GOLGB1: variants seen among roughly 807,000 people sequenced by gnomAD.
GOLGB1 encodes golgin subfamily B member 1.
In GOLGB1, 174 loss-of-function variants were observed where a neutral mutation model predicts 336.9. The observed-to-expected ratio is 0.52, with a 90% CI of 0.46 to 0.59. GOLGB1 has a LOEUF of 0.59. Among genes scored for constraint, GOLGB1 ranks in the 20% least tolerant of loss-of-function variants. The pLI is 0.00. For missense variants in GOLGB1, 3,331 were observed against 3,645.3 expected (o/e 0.91, Z 2.22); for synonymous variants, 1,208 against 1,289.2 (o/e 0.94, Z 1.35).
chr3:121,727,179 C>A, intron 4 of GOLGB1, 138 bp from the exon 5 acceptor site: 1 of 420,358 alleles, frequency 2.4e-6, no homozygotes, highest in Middle Eastern at 7.6e-4. Flanking sequence ...ACCAGCTGAT[C>A]TAACAAATAA....
rs568610525 is a variant in GOLGB1, at chr3:121,737,479, C to G, written c.-2-6506G>C. Among the ~76,000 whole-genome samples, 13 of 151,444 alleles carry G rather than the reference C, an allele frequency of 8.6e-5. No individual in the cohort carries two copies. The South Asian group carries it at 2.3e-3, about 27-fold the overall frequency. ...CAGTCTGACCAACATGGTGAAATCC[C>G]GTCTCTACTAAAAATACAAAAATTA... is the stretch of plus-strand genomic sequence containing the variant. On this transcript the variant is annotated intron_variant, in intron 1 of 21. Transcript: ENST00000614479.
intron 1 of GOLGB1, among the ~76,000 whole-genome samples, chr3:121,744,249 C>A (rs910163196): frequency 6.6e-6 from 1 of 151,990 alleles, no homozygotes; most frequent in Non-Finnish European, 1.5e-5. Context: ...TCATCATCCC[C>A]ATTTTATAGA....
chr3:121,740,158 G>A (rs1005109725), intron 1 of GOLGB1, among the ~76,000 whole-genome samples: 3 of 152,102 alleles, frequency 2.0e-5, no homozygotes, highest in African/African-American at 4.8e-5. Flanking sequence ...AGTGGATACA[G>A]GAACCTACAC....
chr3:121,691,571 A>G lies in GOLGB1; in HGVS notation c.7793T>C (p.Leu2598Pro), dbSNP rs766076366. ...NEDLRRSFNA[L>P]QEEKQDLSKE... is the part of the protein sequence containing the mutation. ...AGATAAATCTTGTTTCTCTTCTTGT[A>G]GGGCATTAAAGGACCTCCGCAGATC... The change falls in exon 14 of 22, where the codon CTA (leucine) becomes CCA (proline). Residue 2598 changes from leucine (L) to proline (P), a missense_variant. By Grantham distance (98) the Leu-to-Pro change is moderately conservative. Coordinates refer to ENST00000614479, the MANE Select transcript of GOLGB1 (RefSeq NM_001366282.2). 1 of 1,613,538 alleles carries G rather than the reference A, an allele frequency of 6.2e-7. No homozygotes were observed. The highest frequency in any genetic ancestry group is 2.2e-5 in the East Asian group (1 of 44,870).
At chr3:121,720,722 C>T (rs73855417) in intron 6 of GOLGB1, among the ~76,000 whole-genome samples, 3,209 of 152,244 alleles carry the variant, frequency 0.021, 107 homozygotes, top group African/African-American at 0.072. Context: ...ATTAGCCAAA[C>T]ATCTCTAACT....
In GOLGB1 at chr3:121,691,140, CA is replaced by C; in HGVS notation, c.8223del (p.Phe2741LeufsTer5). 1 of 1,613,836 alleles carries C rather than the reference CA, an allele frequency of 6.2e-7. No individual in the cohort carries two copies. Among genetic ancestry groups the C allele is most frequent in the Non-Finnish European group, 8.5e-7 (1 of 1,179,934 alleles). On this transcript the variant is annotated frameshift_variant, in exon 14 of 22. Coordinates refer to ENST00000614479, the MANE Select transcript of GOLGB1 (RefSeq NM_001366282.2). LOFTEE classifies it high-confidence loss of function. ...TTTTGCAAGGAACTCATAGACCTTC[CA>C]AAAGACTGAATTTGTGCTGTGAGAC... ...NKGLTAQIQS[F>X]GRSMSSLQNS... is the part of the protein sequence containing the mutation.
chr3:121,669,695 A>C (rs956488169), intron 17 of GOLGB1, among the ~76,000 whole-genome samples: 20 of 152,340 alleles, frequency 1.3e-4, no homozygotes, highest in Middle Eastern at 3.4e-3. Context: ...AGAAGGCAGT[A>C]CCTCAGGGTC....
At chr3:121,688,818 A>G (rs1197222007) in intron 14 of GOLGB1, among the ~76,000 whole-genome samples, 5 of 139,266 alleles carry the variant, frequency 3.6e-5, no homozygotes, top group South Asian at 2.4e-4. Context: ...GGATGTGAGG[A>G]GCGCCTCTGC....
Position 121,664,491 on chromosome 3 carries a change from C to T in GOLGB1, c.9784G>A (p.Gly3262Ser). The T allele has an allele frequency of 6.2e-7, 1 of 1,613,802 alleles. No homozygotes were observed. The highest frequency in any genetic ancestry group is 8.5e-7 in the Non-Finnish European group (1 of 1,179,790). ...IHVLLILCFTGHL is the reference protein window; with the variant it reads ...IHVLLILCFTSHL Reference sequence around the variant, plus strand: ...AGTAACAACTAAGTCTATAGATGGCCCGTAAAACACAGAATGAGCAGGACA... The same window carrying T: ...AGTAACAACTAAGTCTATAGATGGCTCGTAAAACACAGAATGAGCAGGACA... The change falls in exon 22 of 22, where the codon GGC becomes AGC. Residue 3262 changes from glycine (G) to serine (S), a missense_variant. Physicochemically the swap from Gly to Ser is moderately conservative, Grantham distance 56. Transcript: ENST00000614479.
intron 1 of GOLGB1, among the ~76,000 whole-genome samples, chr3:121,735,229 C>T (rs191323927): frequency 9.5e-4 from 144 of 152,266 alleles, no homozygotes; most frequent in African/African-American, 3.2e-3. Context: ...TAACCATATG[C>T]ATTTGTCAAA....
chr3:121,740,051 G>A (rs1946744054), intron 1 of GOLGB1, among the ~76,000 whole-genome samples: 1 of 152,192 alleles, frequency 6.6e-6, no homozygotes, highest in Admixed American at 6.5e-5. Context: ...ATTACCAGTG[G>A]TTAGAGAGGG....
chr3:121,693,933 T>G lies in GOLGB1; in HGVS notation c.6590A>C (p.Lys2197Thr), dbSNP rs769229549. The G allele has an allele frequency of 1.9e-5, 30 of 1,613,910 alleles. No individual in the cohort carries two copies. The highest frequency in any genetic ancestry group is 2.7e-5 in the African/African-American group (2 of 74,922). ...ATCATCCTGGAGGGAAGACATGCTC[T>G]TAGTAAAGGCTGCAAGCTGGGTCAC... ...STVTQLAAFT[K>T]SMSSLQDDRD... Residue 2197 changes from lysine (K) to threonine (T), a missense_variant, in exon 13 of 22, where the codon AAG becomes ACG. Transcript: ENST00000614479.
intron 1 of GOLGB1, among the ~76,000 whole-genome samples, chr3:121,732,021 TAA>T (rs1381370560): frequency 1.1e-4 from 16 of 152,220 alleles, no homozygotes; most frequent in African/African-American, 3.9e-4. Flanking sequence ...CATTAAAAGA[TAA>T]TAAACACTAC....
chr3:121,738,822 A>G (rs1946658655), intron 1 of GOLGB1, among the ~76,000 whole-genome samples: 1 of 152,212 alleles, frequency 6.6e-6, no homozygotes, highest in South Asian at 2.1e-4. Context: ...GAAAGTGGCA[A>G]GGAAAGAAAG....
intron 17 of GOLGB1, 60 bp downstream of exon 17, chr3:121,676,833 C>T (rs1940455426): frequency 8.1e-6 from 12 of 1,484,636 alleles, no homozygotes; most frequent in Non-Finnish European, 1.1e-5. Context: ...CTTCTACTTG[C>T]CTTCTTGTTC....
Position 121,718,381 on chromosome 3 carries a change from G to A in GOLGB1, c.885+7C>T, listed in dbSNP as rs1434724486. 1 of 1,565,966 alleles carries A rather than the reference G, an allele frequency of 6.4e-7. No individual in the cohort carries two copies. Among genetic ancestry groups the A allele is most frequent in the South Asian group, 1.1e-5 (1 of 89,898 alleles). ...CAAGGCAGGAAGTAAAGATTAAAAG[G>A]CAGTACCTGGTTTCTCTGCTCAGCA... On this transcript the variant is annotated splice_region_variant and intron_variant, in intron 8 of 21. Transcript: ENST00000614479.
At chr3:121,714,188 T>C (rs1944573072) in intron 10 of GOLGB1, among the ~76,000 whole-genome samples, 1 of 152,216 alleles carries the variant, frequency 6.6e-6, no homozygotes, top group Non-Finnish European at 1.5e-5. Context: ...CTGACCAATA[T>C]GTTTGTGAGT....
intron 14 of GOLGB1, 66 bp from the exon 15 acceptor site, chr3:121,681,931 G>A: frequency 1.8e-6 from 2 of 1,084,142 alleles, no homozygotes; most frequent in Non-Finnish European, 2.8e-6. Context: ...TAAGTCATTG[G>A]TAGCTCCCTA....
intron 2 of GOLGB1, among the ~76,000 whole-genome samples, chr3:121,730,530 C>T (rs150466798): frequency 1.8e-3 from 281 of 152,062 alleles, no homozygotes; most frequent in Admixed American, 3.0e-3. Flanking sequence ...TTCTGAAACC[C>T]AAAAGGTGTT....
Sources: allele counts gnomAD v4.1 joint callset (sites outside exome capture counted in the v4.1 genomes callset), GRCh38; gene constraint gnomAD v4.1.1; transcripts MANE v1.5; gene names NCBI Gene and HGNC (gene_info 2026-07-23, HGNC 2026-07-21).